PAIP2: variants seen among roughly 807,000 people sequenced by gnomAD.
PAIP2 encodes poly(A) binding protein interacting protein 2.
Under a neutral mutation model 14.8 loss-of-function variants are expected in PAIP2, and 7 were observed. The ratio of observed to expected loss-of-function variants is 0.47; its 90% CI spans 0.27 to 0.89. The LOEUF (loss-of-function observed/expected upper bound fraction) is 0.89, where lower values mean the gene tolerates loss of function less well. PAIP2 is among the 40% of genes least tolerant of loss of function. The pLI, the probability that PAIP2 is intolerant of heterozygous loss-of-function variation, is 0.13. For missense variants in PAIP2, 122 were observed against 154.7 expected, an observed-to-expected ratio of 0.79 and a Z score of 1.12; for synonymous variants, 47 against 45.3, an observed-to-expected ratio of 1.04 and a Z score of -0.15.
In PAIP2 at chr5:139,364,998, G is replaced by A. The variant is rs1404949930; in HGVS notation, c.318+255G>A. ...CATCTCTACTAAAAATAAAAAATTAGCCGGGCATGGTAGCACATGCCTGTG... is the reference window on the plus strand; with the variant it reads ...CATCTCTACTAAAAATAAAAAATTAACCGGGCATGGTAGCACATGCCTGTG... On this transcript the variant is annotated intron_variant, in intron 3 of 3. Coordinates refer to ENST00000265192, the MANE Select transcript of PAIP2 (RefSeq NM_016480.5). 6 of 235,926 alleles carry A rather than the reference G, an allele frequency of 2.5e-5. No individual in the cohort carries two copies. In the South Asian group the frequency reaches 5.2e-4, roughly 21 times the overall value. The allele number at this position is 235,926 out of a possible 1,614,324, so 14.6% of individuals were successfully genotyped here.
intron 1 of PAIP2, among the ~76,000 whole-genome samples, chr5:139,343,898 A>G (rs1200170332): frequency 6.6e-6 from 1 of 151,884 alleles, no homozygotes; most frequent in Non-Finnish European, 1.5e-5. Flanking sequence ...TTGTATTTTT[A>G]GTAGAGACAG....
chr5:139,366,098 G>A (rs1320615097), intron 3 of PAIP2, among the ~76,000 whole-genome samples: 1 of 151,814 alleles, frequency 6.6e-6, no homozygotes, highest in Non-Finnish European at 1.5e-5. Context: ...AGCTACCTGG[G>A]AGGCTAAGGC....
At chr5:139,342,339 C>G (rs1010943151) in intron 1 of PAIP2, 1 of 152,220 alleles carries the variant, frequency 6.6e-6, no homozygotes, top group African/African-American at 2.4e-5. Context: ...CCCTGCCCCC[C>G]TCCCACCGCC....
At chr5:139,352,628 C>T (rs1271012324) in intron 1 of PAIP2, among the ~76,000 whole-genome samples, 8 of 151,288 alleles carry the variant, frequency 5.3e-5, no homozygotes, top group Non-Finnish European at 1.0e-4. Flanking sequence ...TGTGCCACCA[C>T]GCCCGGCTAC....
intron 1 of PAIP2, among the ~76,000 whole-genome samples, chr5:139,349,994 C>G (rs1315725531): frequency 6.6e-6 from 1 of 151,638 alleles, no homozygotes; most frequent in African/African-American, 2.4e-5. Flanking sequence ...GAGTGAGACT[C>G]TGTCTCAAAA....
intron 1 of PAIP2, among the ~76,000 whole-genome samples, chr5:139,360,365 GTCTGTTT>G (rs1227209953): frequency 6.6e-6 from 1 of 152,162 alleles, no homozygotes; most frequent in East Asian, 1.9e-4. Context: ...GATATCCATT[GTCTGTTT>G]TCTGTCTTGT....
At chr5:139,351,540 A>G (rs1256169326) in intron 1 of PAIP2, among the ~76,000 whole-genome samples, 1 of 152,250 alleles carries the variant, frequency 6.6e-6, no homozygotes, top group Non-Finnish European at 1.5e-5. Context: ...AGAATTATGA[A>G]AGGATACATA....
Position 139,363,823 on chromosome 5 carries a change from C to T in PAIP2, c.39C>T (p.Ile13=). ...GTCGCAGCAGTACTAGCCCAAGCAT[C>T]ATCAATGAAGATGTGATTATTAACG... ...DPSRSSTSPS[I]INEDVIINGH... The change falls in exon 2 of 4, where the codon ATC becomes ATT. Residue 13 remains isoleucine, a synonymous_variant. Transcript: ENST00000265192. The T allele has an allele frequency of 3.1e-6, 5 of 1,614,106 alleles. No homozygotes were observed. The highest frequency in any genetic ancestry group is 3.4e-6 in the Non-Finnish European group (4 of 1,179,938).
At chr5:139,353,683 T>G (rs1188119044) in intron 1 of PAIP2, among the ~76,000 whole-genome samples, 1 of 152,034 alleles carries the variant, frequency 6.6e-6, no homozygotes, top group Middle Eastern at 3.2e-3. Context: ...GTATGTCCAT[T>G]AACATAGATT....
chr5:139,353,310 T>C (rs557946208), intron 1 of PAIP2, among the ~76,000 whole-genome samples: 2 of 152,314 alleles, frequency 1.3e-5, no homozygotes, highest in African/African-American at 4.8e-5. Context: ...TAATTATTTT[T>C]GTTCTGGAGA....
At chr5:139,366,202 C>CAAAAA (rs1215094572) in intron 3 of PAIP2, among the ~76,000 whole-genome samples, 3 of 25,306 alleles carry the variant, frequency 1.2e-4, no homozygotes, top group African/African-American at 1.3e-4. Flanking sequence ...GACTCCACCT[C>CAAAAA]AAAAAAAAAA....
At chr5:139,355,087 A>C (rs1021670267) in intron 1 of PAIP2, among the ~76,000 whole-genome samples, 1 of 150,698 alleles carries the variant, frequency 6.6e-6, no homozygotes, top group African/African-American at 2.4e-5. Context: ...CAAAGTCCCA[A>C]AGTGCTGGGA....
Position 139,368,873 on chromosome 5 carries a change from A to T in PAIP2, c.*75A>T. 1 of 1,103,296 alleles carries T rather than the reference A, an allele frequency of 9.1e-7. No homozygotes were observed. The highest frequency in any genetic ancestry group is 1.6e-5 in the African/African-American group (1 of 64,242). 68.3% of individuals were successfully genotyped at this position (1,103,296 alleles called of 1,614,324 possible). On this transcript the variant is annotated 3_prime_UTR_variant, in exon 4 of 4. Transcript: ENST00000265192. The stretch of plus-strand genomic sequence containing the variant: ...AGGCAGTATTAGAAGACTTAATTGT[A>T]AAAGCTCTCTTGTCACTGTGTTACA...
chr5:139,366,583 AC>A (rs1455592205), intron 3 of PAIP2, among the ~76,000 whole-genome samples: 2 of 152,216 alleles, frequency 1.3e-5, no homozygotes, highest in African/African-American at 4.8e-5. Context: ...ATGATTACTT[AC>A]GGCTACATTA....
rs756043357 is a variant in PAIP2, at chr5:139,364,746, A to G, written c.318+3A>G. On this transcript the variant is annotated splice_donor_region_variant and intron_variant, in intron 3 of 3. Coordinates refer to ENST00000265192, the MANE Select transcript of PAIP2 (RefSeq NM_016480.5). ...GCTCTTCTCTGGAAGATCTTGTGGT[A>G]AAAAGTTATTTTTCATCTTTTTAAA... 2 of 1,586,826 alleles carry G rather than the reference A, an allele frequency of 1.3e-6. No individual in the cohort carries two copies. The highest frequency in any genetic ancestry group is 1.4e-5 in the African/African-American group (1 of 73,944).
intron 1 of PAIP2, among the ~76,000 whole-genome samples, chr5:139,356,606 A>C (rs1756919687): frequency 6.6e-6 from 1 of 152,092 alleles, no homozygotes; most frequent in South Asian, 2.1e-4. Flanking sequence ...CGGGCTGGGC[A>C]CGGTGACTTA....
At chr5:139,352,655 G>A (rs1188461520) in intron 1 of PAIP2, among the ~76,000 whole-genome samples, 1 of 151,002 alleles carries the variant, frequency 6.6e-6, no homozygotes, top group Admixed American at 6.6e-5. Flanking sequence ...GTTTTTAGTA[G>A]AGACAGGGTT....
intron 3 of PAIP2, among the ~76,000 whole-genome samples, chr5:139,366,570 G>T (rs1270424584): frequency 6.6e-6 from 1 of 152,052 alleles, no homozygotes; most frequent in Non-Finnish European, 1.5e-5. Flanking sequence ...TCTGGAGGGG[G>T]GTATGATTAC....
chr5:139,345,688 C>T (rs953537401), intron 1 of PAIP2, among the ~76,000 whole-genome samples: 2 of 148,748 alleles, frequency 1.3e-5, no homozygotes, highest in Non-Finnish European at 3.0e-5. Flanking sequence ...AGTGCAGTGG[C>T]ATGATCTCAT....
Sources: allele counts gnomAD v4.1 joint callset (sites outside exome capture counted in the v4.1 genomes callset), GRCh38; gene constraint gnomAD v4.1.1; transcripts MANE v1.5; gene names NCBI Gene and HGNC (gene_info 2026-07-23, HGNC 2026-07-21).